IFT56: variants seen among roughly 807,000 people sequenced by gnomAD.
IFT56 encodes intraflagellar transport protein 56.
the IFT56 span, among the ~76,000 whole-genome samples, chr7:139,185,202 A>C: frequency 1.9e-5 from 2 of 105,416 alleles, no homozygotes; most frequent in African/African-American, 1.3e-4. Flanking sequence ...CCTTGTGTCC[A>C]AAAAAAAAGA....
At chr7:139,156,900 G>A in the IFT56 span, among the ~76,000 whole-genome samples, 1 of 152,118 alleles carries the variant, frequency 6.6e-6, no homozygotes, top group Non-Finnish European at 1.5e-5. Context: ...AGTGGGTCTA[G>A]CAAGTTTTGC....
At chr7:139,190,862 A>C in the IFT56 span, 1 of 152,270 alleles carries the variant, frequency 6.6e-6, no homozygotes, top group African/African-American at 2.4e-5. Flanking sequence ...GAAAGTGCAG[A>C]GCCATCCCTA....
At chr7:139,190,061 T>C in the IFT56 span, 1 of 152,246 alleles carries the variant, frequency 6.6e-6, no homozygotes, top group Admixed American at 6.5e-5. Context: ...ATTGCAATGT[T>C]TTAAAAGGTG....
At chr7:139,186,299 A>G in the IFT56 span, among the ~76,000 whole-genome samples, 1 of 151,870 alleles carries the variant, frequency 6.6e-6, no homozygotes, top group Non-Finnish European at 1.5e-5. Context: ...GGTGGTGTAC[A>G]CCTGTAGTCC....
At chr7:139,189,396 G>A in the IFT56 span, 1 of 1,613,396 alleles carries the variant, frequency 6.2e-7, no homozygotes, top group Non-Finnish European at 8.5e-7. Context: ...TCCGGATCAT[G>A]AAGAAATGGG....
chr7:139,185,242 T>C, the IFT56 span, among the ~76,000 whole-genome samples: 5,727 of 150,982 alleles, frequency 0.038, 407 homozygotes, highest in African/African-American at 0.13. Flanking sequence ...GTTGTATGGC[T>C]GTGGTTACGT....
At chr7:139,173,382 C>G in the IFT56 span, 1 of 505,218 alleles carries the variant, frequency 2.0e-6, no homozygotes, top group Non-Finnish European at 3.5e-6. Context: ...GCTCCTGCCA[C>G]CATGCCCGGC....
At chr7:139,141,256 GAA>G in the IFT56 span, among the ~76,000 whole-genome samples, 34,811 of 127,684 alleles carry the variant, frequency 0.27, 7,713 homozygotes, top group African/African-American at 0.57. Flanking sequence ...ACAAGACTCT[GAA>G]AAAAAAAAAA....
chr7:139,142,133 G>A, the IFT56 span: 1 of 978,490 alleles, frequency 1.0e-6, no homozygotes, highest in Non-Finnish European at 1.6e-6. Context: ...ATGTATTCTA[G>A]CAGAGACATA....
At chr7:139,181,849 G>A in the IFT56 span, among the ~76,000 whole-genome samples, 4 of 152,126 alleles carry the variant, frequency 2.6e-5, no homozygotes, top group Non-Finnish European at 4.4e-5. Context: ...ATGATCTTAT[G>A]GAACCACAAT....
At chr7:139,134,744 G>T in the IFT56 span, 1 of 1,614,076 alleles carries the variant, frequency 6.2e-7, no homozygotes, top group Non-Finnish European at 8.5e-7. Context: ...CAAAACTAGA[G>T]GAGCTACTTT....
chr7:139,173,555 T>A, the IFT56 span: 1 of 783,934 alleles, frequency 1.3e-6, no homozygotes, highest in Non-Finnish European at 2.3e-6. Context: ...CTGAGTTTGT[T>A]CATATGGATA....
chr7:139,190,058 T>C, the IFT56 span: 1 of 152,238 alleles, frequency 6.6e-6, no homozygotes, highest in African/African-American at 2.4e-5. Flanking sequence ...AGTATTGCAA[T>C]GTTTTAAAAG....
chr7:139,153,569 T>C, the IFT56 span, among the ~76,000 whole-genome samples: 13 of 152,328 alleles, frequency 8.5e-5, no homozygotes, highest in Admixed American at 2.6e-4. Flanking sequence ...TTCATATATA[T>C]ATGGAATCAT....
the IFT56 span, among the ~76,000 whole-genome samples, chr7:139,186,178 T>C: frequency 4.7e-4 from 72 of 152,082 alleles, 1 homozygote; most frequent in Non-Finnish European, 6.2e-4. Flanking sequence ...CTGTAATCCC[T>C]GCACTTTAGG....
chr7:139,188,872 A>G, the IFT56 span, among the ~76,000 whole-genome samples: 1 of 152,200 alleles, frequency 6.6e-6, no homozygotes, highest in East Asian at 1.9e-4. Context: ...GAATTTGACA[A>G]TGATGCCTAG....
the IFT56 span, chr7:139,173,821 CCTT>C: frequency 4.1e-6 from 3 of 725,512 alleles, no homozygotes; most frequent in African/African-American, 3.5e-5. Flanking sequence ...TAACAATCAT[CCTT>C]CTGCTGCTTC....
the IFT56 span, among the ~76,000 whole-genome samples, chr7:139,143,475 A>G: frequency 6.6e-6 from 1 of 152,006 alleles, no homozygotes; most frequent in Non-Finnish European, 1.5e-5. Context: ...TCTCTTTGTC[A>G]TATTTGTGAG....
the IFT56 span, among the ~76,000 whole-genome samples, chr7:139,166,130 G>A: frequency 6.6e-6 from 1 of 152,032 alleles, no homozygotes. Context: ...GCTAATTTTT[G>A]TATTTCTAAT....
Sources: gnomAD v4.1 joint callset for allele counts (sites outside exome capture counted in the v4.1 genomes callset) on GRCh38, gnomAD v4.1.1 for gene constraint, MANE v1.5 for transcripts, NCBI Gene and HGNC (gene_info 2026-07-23, HGNC 2026-07-21) for gene names.